EFCAB3: variants seen among roughly 807,000 people sequenced by gnomAD.
EFCAB3 encodes the protein EF-hand calcium binding domain 3, also known as EF-hand calcium-binding domain-containing protein 3.
EFCAB3 carries 36 observed loss-of-function variants against 42.2 expected under a neutral mutation model. The ratio of observed to expected loss-of-function variants is 0.85; its 90% CI spans 0.65 to 1.13. The LOEUF is 1.13. Among genes scored for constraint, EFCAB3 ranks in the 50% most tolerant of loss-of-function variants. The pLI, the probability that EFCAB3 is intolerant of heterozygous loss-of-function variation, is 0.00. For missense variants in EFCAB3, 418 were observed against 505.1 expected, an observed-to-expected ratio of 0.83 and a Z score of 1.65; for synonymous variants, 170 against 172.8, an observed-to-expected ratio of 0.98 and a Z score of 0.13.
chr17:62,386,939 C>T (rs1030760343), intron 2 of EFCAB3, among the ~76,000 whole-genome samples: 3 of 151,766 alleles, frequency 2.0e-5, no homozygotes, highest in Admixed American at 6.6e-5. Flanking sequence ...CAGGCCTGTG[C>T]CACCACACCT....
At chr17:62,401,794 A>G (rs2144098659) in intron 6 of EFCAB3, among the ~76,000 whole-genome samples, 1 of 152,262 alleles carries the variant, frequency 6.6e-6, no homozygotes, top group East Asian at 1.9e-4. Flanking sequence ...TCCCACATGA[A>G]CTTTAAAGTA....
intron 3 of EFCAB3, among the ~76,000 whole-genome samples, chr17:62,387,888 T>C (rs2070267872): frequency 1.3e-5 from 2 of 151,990 alleles, no homozygotes; most frequent in Admixed American, 1.3e-4. Context: ...TGATAGGAAG[T>C]CTAATAGGGA....
intron 2 of EFCAB3, among the ~76,000 whole-genome samples, chr17:62,375,461 G>A (rs2070143011): frequency 6.6e-6 from 1 of 152,128 alleles, no homozygotes; most frequent in Non-Finnish European, 1.5e-5. Flanking sequence ...AGTATTTTTT[G>A]AGCACCCAGA....
In EFCAB3 at chr17:62,406,247, A is replaced by G. The variant is rs1196308591; in HGVS notation, c.489-233A>G. Among the ~76,000 whole-genome samples the G allele has an allele frequency of 3.3e-5, 5 of 152,262 alleles. No individual in the cohort carries two copies. The South Asian group carries it at 6.2e-4, about 19-fold the overall frequency. On this transcript the variant is annotated intron_variant, in intron 6 of 9. Transcript: ENST00000305286. ...AAAAACTCTGGGAAGCCTTGGGGAA[A>G]AAAGGAGACCAAAAGCCAAGGAATA...
intron 9 of EFCAB3, among the ~76,000 whole-genome samples, chr17:62,414,585 G>T (rs1332770233): frequency 3.3e-4 from 2 of 6,108 alleles, no homozygotes; most frequent in South Asian, 0.083. Context: ...TGTTTGTTTT[G>T]TGTGTGTGTG....
In EFCAB3 at chr17:62,416,015, A is replaced by G; in HGVS notation, c.1003A>G (p.Thr335Ala). Reference sequence around the variant, plus strand: ...TCTCTCACTGCAGGTGAAGAGAGCTACTGATACCTATAATTTAGGAATTGC... The same window carrying G: ...TCTCTCACTGCAGGTGAAGAGAGCTGCTGATACCTATAATTTAGGAATTGC... ...TAIKQHVKRATDTYNLGIALE... is the reference protein window; with the variant it reads ...TAIKQHVKRAADTYNLGIALE... The change falls in exon 10 of 10, where the codon ACT becomes GCT. Residue 335 changes from threonine (T) to alanine (A), a missense_variant. Transcript: ENST00000305286. 1 of 1,612,222 alleles carries G rather than the reference A, an allele frequency of 6.2e-7. No individual in the cohort carries two copies. Among genetic ancestry groups the G allele is most frequent in the Non-Finnish European group, 8.5e-7 (1 of 1,179,064 alleles).
At chr17:62,373,352 C>T (rs1435109720) in intron 1 of EFCAB3, among the ~76,000 whole-genome samples, 3 of 151,676 alleles carry the variant, frequency 2.0e-5, no homozygotes, top group Non-Finnish European at 4.4e-5. Context: ...GTGGCTCACA[C>T]TTGTAATCCC....
chr17:62,393,709 A>G (rs1242519620), intron 5 of EFCAB3, 65 bp downstream of exon 5: 5 of 1,399,062 alleles, frequency 3.6e-6, no homozygotes, highest in Non-Finnish European at 5.0e-6. Context: ...AGCAAACATC[A>G]TTCACAGGCT....
At chr17:62,370,257 C>G (rs749365971) in exon 1 of EFCAB3, 3 of 1,551,136 alleles carry the variant, frequency 1.9e-6, no homozygotes, top group Non-Finnish European at 2.6e-6. Flanking sequence ...CAATTTCTAG[C>G]AAGCGAAGGG....
In EFCAB3 at chr17:62,389,935, C is replaced by T. The variant is rs903072448; in HGVS notation, c.152-1887C>T. Among the ~76,000 whole-genome samples the T allele has an allele frequency of 7.9e-5, 12 of 152,188 alleles. No homozygotes were observed. The South Asian group carries it at 8.3e-4, about 11-fold the overall frequency. On this transcript the variant is annotated intron_variant, in intron 3 of 9. Coordinates refer to ENST00000305286, the MANE Select transcript of EFCAB3 (RefSeq NM_173503.4). ...TTGAGTAGCTGGGACTACAGGCACC[C>T]GCCACCACGCTCAGCTAATTTTTTG...
At chr17:62,407,312 A>T (rs2070457339) in intron 8 of EFCAB3, 100 bp downstream of exon 8, 1 of 1,118,422 alleles carries the variant, frequency 8.9e-7, no homozygotes, top group Non-Finnish European at 1.2e-6. Context: ...AGTTTTAGTC[A>T]TTATTTTCAA....
chr17:62,414,611 GTT>G (rs1175665569), intron 9 of EFCAB3, among the ~76,000 whole-genome samples: 151 of 128,780 alleles, frequency 1.2e-3, no homozygotes, highest in Non-Finnish European at 2.0e-3. Context: ...GTGTGTGTGT[GTT>G]TAAATAAGGT....
In EFCAB3 at chr17:62,406,510, C is replaced by T. The variant is rs369509873; in HGVS notation, c.519C>T (p.Gly173=). Residue 173 remains glycine (G), a synonymous_variant, in exon 7 of 10, where the codon GGC becomes GGT. Transcript: ENST00000305286. ...SYFQRKFQHT[G]PGMLWSPYTM... is the part of the protein sequence containing the mutation. The stretch of plus-strand genomic sequence containing the variant: ...TCCAAAGAAAATTCCAGCATACTGG[C>T]CCAGGAATGTTGTGGAGTCCCTACA... The T allele has an allele frequency of 2.8e-4, 442 of 1,607,186 alleles. 1 individual carries two copies. Among genetic ancestry groups the T allele is most frequent in the East Asian group, 2.5e-4 (11 of 44,792 alleles).
chr17:62,413,855 G>A lies in EFCAB3; in HGVS notation c.990+1G>A. On this transcript the variant is annotated splice_donor_variant, in intron 9 of 9. Transcript: ENST00000305286. LOFTEE classifies it high-confidence loss of function. ...CGATGCAACTGCTATTAAACAACAT[G>A]TGAGTATTCCTTGTTGAGTTCCTTC... The A allele has an allele frequency of 6.2e-7, 1 of 1,609,456 alleles. No individual in the cohort carries two copies. Among genetic ancestry groups the A allele is most frequent in the Non-Finnish European group, 8.5e-7 (1 of 1,178,248 alleles).
intron 6 of EFCAB3, among the ~76,000 whole-genome samples, chr17:62,399,679 ACT>A (rs1272904457): frequency 6.6e-6 from 1 of 151,688 alleles, no homozygotes; most frequent in Non-Finnish European, 1.5e-5. Context: ...GACTCACTCA[ACT>A]CACTCTCACT....
upstream of EFCAB3, among the ~76,000 whole-genome samples, chr17:62,379,069 T>C (rs1375602806): frequency 6.6e-6 from 1 of 151,950 alleles, no homozygotes; most frequent in African/African-American, 2.4e-5. Context: ...TAGGGAAAAA[T>C]ATCTGTGAAT....
At position 62,383,678 on chromosome 17, in the gene EFCAB3, C is replaced by G. The variant is rs1022969068; in HGVS notation, c.74+625C>G. On this transcript the variant is annotated intron_variant, in intron 2 of 9. Transcript: ENST00000305286. ...CCCTCCTGTCCTCCCAAAGGAGAAGCTGTTTTTATGTTAGGATACAAAATA... is the reference window on the plus strand; with the variant it reads ...CCCTCCTGTCCTCCCAAAGGAGAAGGTGTTTTTATGTTAGGATACAAAATA... Among the ~76,000 whole-genome samples, 4 of 152,170 alleles carry G rather than the reference C, an allele frequency of 2.6e-5. 1 individual carries two copies. The highest frequency in any genetic ancestry group is 9.6e-5 in the African/African-American group (4 of 41,530).
In EFCAB3 at chr17:62,380,615, T is replaced by G; in HGVS notation, c.-18+2T>G. On this transcript the variant is annotated splice_donor_variant, in intron 1 of 9. Transcript: ENST00000305286. LOFTEE classifies it low-confidence loss of function (5UTR_SPLICE). ...GTAGGTAGCACGGCTTAAAAGTAGGTAAATATCGTGATTTTGTAGGATTCT... is the reference window on the plus strand; with the variant it reads ...GTAGGTAGCACGGCTTAAAAGTAGGGAAATATCGTGATTTTGTAGGATTCT... The G allele has an allele frequency of 1.0e-6, 1 of 984,832 alleles. No homozygotes were observed. Among genetic ancestry groups the G allele is most frequent in the Non-Finnish European group, 1.2e-6 (1 of 829,402 alleles). 61.0% of individuals were successfully genotyped at this position (984,832 alleles called of 1,614,324 possible). A position where few individuals can be genotyped will look rare whatever the true frequency, so the allele number is the denominator to read the frequency against.
chr17:62,375,388 T>A (rs2070142332), intron 2 of EFCAB3, among the ~76,000 whole-genome samples: 1 of 152,196 alleles, frequency 6.6e-6, no homozygotes, highest in Non-Finnish European at 1.5e-5. Flanking sequence ...AAAATCATAC[T>A]GCCAATTGGA....
Sources: allele counts gnomAD v4.1 joint callset (sites outside exome capture counted in the v4.1 genomes callset), GRCh38; gene constraint gnomAD v4.1.1; transcripts MANE v1.5; gene names NCBI Gene and HGNC (gene_info 2026-07-23, HGNC 2026-07-21).